Variants in RASSF3 observed in about 807,000 individuals in gnomAD.
The protein encoded by RASSF3 is ras association domain-containing protein 3.
Under a neutral mutation model 19.9 loss-of-function variants are expected in RASSF3, and 19 were observed. The ratio of observed to expected loss-of-function variants is 0.96; its 90% CI spans 0.67 to 1.40. RASSF3 has a LOEUF of 1.40. Ranked by LOEUF, RASSF3 falls within the 40% of genes most tolerant of loss-of-function variation. The pLI is 0.00. For synonymous variants in RASSF3, 110 were observed against 104.2 expected (o/e 1.06, Z -0.34); for missense variants, 306 against 289.8 (o/e 1.06, Z -0.41).
At chr12:64,537,106 C>T (rs537635574) in intron 1 of RASSF3, among the ~76,000 whole-genome samples, 2 of 152,276 alleles carry the variant, frequency 1.3e-5, no homozygotes, top group South Asian at 4.1e-4. Context: ...CTTCCTTACC[C>T]CACACTCTTG....
At chr12:64,689,843 A>G (rs1410179490) in intron 3 of RASSF3, among the ~76,000 whole-genome samples, 2 of 128,510 alleles carry the variant, frequency 1.6e-5, no homozygotes, top group Non-Finnish European at 3.1e-5. Flanking sequence ...CTGGAGGTGC[A>G]GTGGCGCAAT....
At chr12:64,650,685 G>C (rs550723044) in intron 1 of RASSF3, among the ~76,000 whole-genome samples, 28 of 152,054 alleles carry the variant, frequency 1.8e-4, no homozygotes, top group Non-Finnish European at 3.7e-4. Context: ...AAAGTGCTGG[G>C]ATTACAGGCG....
intron 2 of RASSF3, among the ~76,000 whole-genome samples, chr12:64,589,317 GCA>G: frequency 6.6e-6 from 1 of 152,096 alleles, no homozygotes; most frequent in East Asian, 1.9e-4. Context: ...GGGTGTGGTG[GCA>G]CATGCCTGTA....
intron 2 of RASSF3, among the ~76,000 whole-genome samples, chr12:64,566,355 G>A (rs1869431281): frequency 6.6e-6 from 1 of 152,160 alleles, no homozygotes; most frequent in Admixed American, 6.5e-5. Flanking sequence ...GAATCCATTT[G>A]CATGGCACTG....
rs545203919 is a variant in RASSF3 at position 64,622,981 on chromosome 12, C to T, written c.111+12238C>T. Among the ~76,000 whole-genome samples, 4 of 151,924 alleles carry T rather than the reference C, an allele frequency of 2.6e-5. No homozygotes were observed. In the South Asian group the frequency reaches 8.3e-4, roughly 32 times the overall value. The stretch of plus-strand genomic sequence containing the variant: ...GAATACAGGCGCATACCACCATGCC[C>T]AGCTAATTTTTGTATTTTTAGTAGA... On this transcript the variant is annotated intron_variant, in intron 1 of 4. Transcript: ENST00000542104.
intron 2 of RASSF3, among the ~76,000 whole-genome samples, chr12:64,686,288 C>G (rs1396468749): frequency 6.6e-6 from 1 of 151,928 alleles, no homozygotes; most frequent in Non-Finnish European, 1.5e-5. Flanking sequence ...CACCTGTAAT[C>G]TCAGCATTTT....
intron 2 of RASSF3, among the ~76,000 whole-genome samples, chr12:64,591,087 C>T (rs1869913236): frequency 6.6e-6 from 1 of 152,134 alleles, no homozygotes; most frequent in Non-Finnish European, 1.5e-5. Context: ...ATTCTGGTCC[C>T]ACCTGATTTT....
At chr12:64,597,854 C>A (rs984965207) in intron 2 of RASSF3, among the ~76,000 whole-genome samples, 1 of 152,130 alleles carries the variant, frequency 6.6e-6, no homozygotes, top group South Asian at 2.1e-4. Context: ...ATTCCTCTTA[C>A]GTATCCTTCT....
intron 1 of RASSF3, among the ~76,000 whole-genome samples, chr12:64,663,210 G>A (rs1872429961): frequency 6.6e-6 from 1 of 152,092 alleles, no homozygotes. Context: ...TACATTTTAA[G>A]GCGGGAACCT....
intron 4 of RASSF3, among the ~76,000 whole-genome samples, chr12:64,694,328 G>C (rs767358833): frequency 6.6e-6 from 1 of 152,160 alleles, no homozygotes; most frequent in Non-Finnish European, 1.5e-5. Flanking sequence ...GGGCCGTACC[G>C]AGGGAGAAAA....
intron 1 of RASSF3, among the ~76,000 whole-genome samples, chr12:64,526,467 C>T (rs1286285837): frequency 6.6e-6 from 1 of 152,132 alleles, no homozygotes; most frequent in Non-Finnish European, 1.5e-5. Flanking sequence ...CTAACCCCTC[C>T]CAACCCCCAG....
chr12:64,637,423 CTT>C (rs781748041), intron 1 of RASSF3, among the ~76,000 whole-genome samples: 10 of 132,466 alleles, frequency 7.5e-5, no homozygotes, highest in Admixed American at 3.9e-4. Flanking sequence ...TAGTTTCTTT[CTT>C]TTTTTTTTTT....
At position 64,578,115 on chromosome 12, in the gene RASSF3, C is replaced by T. The variant is rs1295700880; in HGVS notation, c.294+36410C>T. On this transcript the variant is annotated intron_variant, in intron 2 of 5. Coordinates refer to the RASSF3 transcript ENST00000637125. ...ATGCCTGTAATCTGTCCCAGCTACT[C>T]GGGAGGCTGAGGCAGGAGAATAACT... Among the ~76,000 whole-genome samples, 7 of 151,472 alleles carry T rather than the reference C, an allele frequency of 4.6e-5. 1 individual carries two copies. The highest frequency in any genetic ancestry group is 2.0e-4 in the East Asian group (1 of 5,112).
chr12:64,670,498 T>G (rs998868193), intron 1 of RASSF3, among the ~76,000 whole-genome samples: 16 of 150,060 alleles, frequency 1.1e-4, no homozygotes, highest in African/African-American at 3.6e-4. Flanking sequence ...ATCTCACCAA[T>G]CAGGCAGAAA....
chr12:64,678,482 C>T (rs1316165134), intron 1 of RASSF3, among the ~76,000 whole-genome samples: 1 of 152,144 alleles, frequency 6.6e-6, no homozygotes, highest in Non-Finnish European at 1.5e-5. Flanking sequence ...CTCCTAGTGG[C>T]AGTGTGATGG....
At position 64,567,793 on chromosome 12, in the gene RASSF3, C is replaced by T. The variant is rs1425571725; in HGVS notation, c.294+26088C>T. On this transcript the variant is annotated intron_variant, in intron 2 of 5. Coordinates refer to the RASSF3 transcript ENST00000637125. ...ATGTGGCTCCACACACCAGAGCTGC[C>T]TCTGCAGAGCGTGCACTGCTGGGCT... Among the ~76,000 whole-genome samples the T allele has an allele frequency of 2.6e-5, 4 of 152,350 alleles. No individual in the cohort carries two copies. In the East Asian group the frequency reaches 7.7e-4, roughly 29 times the overall value.
At chr12:64,560,481 A>G (rs1869329094) in intron 2 of RASSF3, among the ~76,000 whole-genome samples, 1 of 152,124 alleles carries the variant, frequency 6.6e-6, no homozygotes, top group East Asian at 1.9e-4. Context: ...TAGCTCTCCA[A>G]TGCCTGGATC....
chr12:64,627,959 C>T (rs1871048611), intron 1 of RASSF3, among the ~76,000 whole-genome samples: 1 of 152,162 alleles, frequency 6.6e-6, no homozygotes, highest in African/African-American at 2.4e-5. Context: ...TTTGAGAGGG[C>T]TTCACAAATG....
intron 2 of RASSF3, among the ~76,000 whole-genome samples, chr12:64,598,577 C>T (rs1008095281): frequency 6.6e-6 from 1 of 152,108 alleles, no homozygotes; most frequent in African/African-American, 2.4e-5. Flanking sequence ...TTTATGCAGC[C>T]CAGCTTAGGC....
Sources: allele counts gnomAD v4.1 joint callset (sites outside exome capture counted in the v4.1 genomes callset), GRCh38; gene constraint gnomAD v4.1.1; transcripts MANE v1.5; gene names NCBI Gene and HGNC (gene_info 2026-07-23, HGNC 2026-07-21).